CLNK: variants seen among roughly 807,000 people sequenced by gnomAD.
The protein encoded by CLNK is cytokine dependent hematopoietic cell linker.
CLNK carries 74 observed loss-of-function variants against 68.6 expected under a neutral mutation model. The ratio of observed to expected loss-of-function variants is 1.08; its 90% CI spans 0.89 to 1.31. The LOEUF is 1.31. Ranked by LOEUF, CLNK falls within the 50% of genes most tolerant of loss-of-function variation. The pLI, the probability that CLNK is intolerant of heterozygous loss-of-function variation, is 0.00. For synonymous variants in CLNK, 198 were observed against 172.2 expected (o/e 1.15, Z -1.17); for missense variants, 553 against 515.3 (o/e 1.07, Z -0.71).
At chr4:10,532,078 G>T in intron 12 of CLNK, 178 bp downstream of exon 12, 1 of 664,794 alleles carries the variant, frequency 1.5e-6, no homozygotes, top group Non-Finnish European at 2.7e-6. Flanking sequence ...AAAATCTGGA[G>T]CTAAGCTTGT....
At chr4:10,642,834 T>G (rs1270774509) in intron 2 of CLNK, among the ~76,000 whole-genome samples, 1 of 152,294 alleles carries the variant, frequency 6.6e-6, no homozygotes, top group Middle Eastern at 3.4e-3. Flanking sequence ...CTTTAGAGCT[T>G]CTGGGAAGGG....
At chr4:10,674,360 CAATGCAAATCT>C (rs1172471982) in intron 1 of CLNK, among the ~76,000 whole-genome samples, 1 of 152,098 alleles carries the variant, frequency 6.6e-6, no homozygotes, top group African/African-American at 2.4e-5. Flanking sequence ...TGCTAGACGC[CAATGCAAATCT>C]AATTGCAAAT....
chr4:10,682,272 C>T (rs1161993169), intron 1 of CLNK, among the ~76,000 whole-genome samples: 4 of 152,102 alleles, frequency 2.6e-5, no homozygotes, highest in African/African-American at 7.2e-5. Flanking sequence ...GTATTTATCT[C>T]TCTGGTTAGT....
chr4:10,628,259 C>T (rs1722752022), intron 2 of CLNK, among the ~76,000 whole-genome samples: 1 of 152,014 alleles, frequency 6.6e-6, no homozygotes, highest in Admixed American at 6.5e-5. Context: ...CTCCCTCACA[C>T]AAACTCCCTC....
chr4:10,540,371 C>G, intron 11 of CLNK, 123 bp downstream of exon 11: 1 of 699,142 alleles, frequency 1.4e-6, no homozygotes, highest in Non-Finnish European at 2.6e-6. Flanking sequence ...TTTGAATGGA[C>G]CAATACACTC....
At chr4:10,628,966 GGACCCAAAA>G (rs1475842903) in intron 2 of CLNK, among the ~76,000 whole-genome samples, 2 of 152,168 alleles carry the variant, frequency 1.3e-5, no homozygotes, top group Non-Finnish European at 2.9e-5. Flanking sequence ...TCTGCTCTGA[GGACCCAAAA>G]GAGCTTGTCC....
intron 11 of CLNK, among the ~76,000 whole-genome samples, chr4:10,539,669 C>G (rs1162745160): frequency 6.6e-6 from 1 of 152,144 alleles, no homozygotes; most frequent in Non-Finnish European, 1.5e-5. Context: ...ATGTCCCACA[C>G]GTTTGGGAAT....
the CLNK span, among the ~76,000 whole-genome samples, chr4:10,722,089 G>A: frequency 6.6e-6 from 1 of 152,166 alleles, no homozygotes; most frequent in Non-Finnish European, 1.5e-5. Context: ...TGGGAGGATT[G>A]TTTGAGTCCC....
At chr4:10,651,253 G>A (rs1227399626) in intron 2 of CLNK, among the ~76,000 whole-genome samples, 1 of 152,194 alleles carries the variant, frequency 6.6e-6, no homozygotes, top group Non-Finnish European at 1.5e-5. Context: ...GCACACATAT[G>A]TTTATTGCAG....
At chr4:10,518,086 T>C (rs762549354) in intron 15 of CLNK, among the ~76,000 whole-genome samples, 7 of 151,874 alleles carry the variant, frequency 4.6e-5, no homozygotes, top group Non-Finnish European at 1.0e-4. Context: ...ACATGGAGAA[T>C]GGAGGGTCAA....
At chr4:10,673,492 A>C (rs921597857) in intron 1 of CLNK, among the ~76,000 whole-genome samples, 2 of 152,206 alleles carry the variant, frequency 1.3e-5, no homozygotes, top group Non-Finnish European at 2.9e-5. Context: ...GCAGCCATAA[A>C]AAAGGATGAG....
chr4:10,634,817 G>C (rs1723018725), intron 2 of CLNK, among the ~76,000 whole-genome samples: 1 of 96,108 alleles, frequency 1.0e-5, no homozygotes, highest in East Asian at 3.0e-4. Flanking sequence ...AAGGATCTGA[G>C]AATATCATTG....
chr4:10,700,708 ATTC>A, the CLNK span, among the ~76,000 whole-genome samples: 1 of 152,160 alleles, frequency 6.6e-6, no homozygotes. Context: ...AGGAGTTTAC[ATTC>A]TTCTGTAAGC....
intron 7 of CLNK, among the ~76,000 whole-genome samples, chr4:10,563,495 T>C (rs1236673559): frequency 1.3e-5 from 2 of 152,254 alleles, no homozygotes; most frequent in Non-Finnish European, 2.9e-5. Flanking sequence ...ATTATACTTA[T>C]GAATGCTTGT....
intron 2 of CLNK, among the ~76,000 whole-genome samples, chr4:10,652,266 C>T (rs906707888): frequency 1.3e-5 from 2 of 149,884 alleles, no homozygotes; most frequent in Non-Finnish European, 3.0e-5. Context: ...CCTGTAATCC[C>T]AGCTACTTGG....
intron 8 of CLNK, among the ~76,000 whole-genome samples, chr4:10,553,315 G>T (rs895863375): frequency 3.9e-5 from 6 of 152,046 alleles, no homozygotes; most frequent in African/African-American, 1.5e-4. Flanking sequence ...AGTTACAAAT[G>T]CTCCGTGCCA....
chr4:10,699,131 A>G, the CLNK span, among the ~76,000 whole-genome samples: 4 of 145,054 alleles, frequency 2.8e-5, no homozygotes, highest in Non-Finnish European at 6.0e-5. Flanking sequence ...CAGATCCTAG[A>G]ACTTTCTCAG....
At chr4:10,552,031 A>T (rs887997992) in intron 8 of CLNK, among the ~76,000 whole-genome samples, 1 of 151,610 alleles carries the variant, frequency 6.6e-6, no homozygotes, top group Non-Finnish European at 1.5e-5. Flanking sequence ...GTGCTTTTTT[A>T]TTTTTTAGTA....
At chr4:10,688,539 A>C (rs751473952), upstream of CLNK, among the ~76,000 whole-genome samples, 1 of 152,166 alleles carries the variant, frequency 6.6e-6, no homozygotes, top group Non-Finnish European at 1.5e-5. Context: ...TTGGAGTTTC[A>C]CTGGCTTAGG....
Sources: gnomAD v4.1 joint callset for allele counts (sites outside exome capture counted in the v4.1 genomes callset) on GRCh38, gnomAD v4.1.1 for gene constraint, MANE v1.5 for transcripts, NCBI Gene and HGNC (gene_info 2026-07-23, HGNC 2026-07-21) for gene names.